Variants in CLEC2D observed in about 807,000 individuals in gnomAD.
CLEC2D encodes the protein C-type lectin domain family 2 member D.
A neutral mutation model predicts 20.0 loss-of-function variants in CLEC2D; 16 were observed. That is an observed-to-expected ratio of 0.80 (90% CI 0.54 to 1.22). CLEC2D has a LOEUF of 1.22. Among genes scored for constraint, CLEC2D ranks in the 50% most tolerant of loss-of-function variants. CLEC2D has a pLI of 0.00. For synonymous variants in CLEC2D, 77 were observed against 71.1 expected, an observed-to-expected ratio of 1.08 and a Z score of -0.42; for missense variants, 207 against 221.5, an observed-to-expected ratio of 0.93 and a Z score of 0.42.
In CLEC2D at chr12:9,680,826, A is replaced by G. The variant is rs143102212; in HGVS notation, c.62-97A>G. ...CATTTGCATCCTCTAGTGAAAAGCG[A>G]AGGAATTAAATAAAAATAACATTTT... On this transcript the variant is annotated intron_variant, in intron 1 of 4. Transcript: ENST00000290855. The G allele has an allele frequency of 2.4e-3, 1,500 of 630,124 alleles. 3 individuals are homozygous for G. The highest frequency in any genetic ancestry group is 2.8e-3 in the Non-Finnish European group (1,008 of 355,078). 39.0% of individuals were successfully genotyped at this position (630,124 alleles called of 1,614,324 possible).
chr12:9,689,162 C>A (rs1371259537), intron 3 of CLEC2D, among the ~76,000 whole-genome samples: 2 of 152,200 alleles, frequency 1.3e-5, no homozygotes, highest in Admixed American at 6.5e-5. Context: ...GCTGAAGTGG[C>A]TTCCCAAGGA....
At chr12:9,673,555 A>G (rs776736345) in intron 1 of CLEC2D, among the ~76,000 whole-genome samples, 1 of 152,382 alleles carries the variant, frequency 6.6e-6, no homozygotes, top group South Asian at 2.1e-4. Context: ...CCGCTTATGT[A>G]GAGAATCTGA....
rs143039413 is a variant in CLEC2D at position 9,676,552 on chromosome 12, A to G, written c.62-4371A>G. 1.2e-3 allele frequency among the ~76,000 whole-genome samples: 178 copies of G among 152,204 alleles called. 3 individuals carry two copies. Among genetic ancestry groups the G allele is most frequent in the Non-Finnish European group, 2.0e-3 (136 of 67,984 alleles). The stretch of plus-strand genomic sequence containing the variant: ...TTCATCACAGTATATAATTCTTTTT[A>G]TACATCATTGGATTGGATTTGCTGA... On this transcript the variant is annotated intron_variant, in intron 1 of 4. Coordinates refer to ENST00000290855, the MANE Select transcript of CLEC2D (RefSeq NM_013269.6).
Position 9,694,997 on chromosome 12 carries a change from A to ATGCTCAAT in CLEC2D, c.*123_*124insTGCTCAAT. ...ATATGAAAATATGCTCAATATCACT[A>ATGCTCAAT]ATAACTGGGAAAATACAAATCAAAA... is the stretch of plus-strand genomic sequence containing the variant. On this transcript the variant is annotated 3_prime_UTR_variant, in exon 5 of 5. Coordinates refer to ENST00000290855, the MANE Select transcript of CLEC2D (RefSeq NM_013269.6). 1 of 620,246 alleles carries ATGCTCAAT rather than the reference A, an allele frequency of 1.6e-6. No individual in the cohort carries two copies. The highest frequency in any genetic ancestry group is 2.9e-6 in the Non-Finnish European group (1 of 346,678). The allele number at this position is 620,246 out of a possible 1,614,324, so 38.4% of individuals were successfully genotyped here.
In CLEC2D at chr12:9,695,800, G is replaced by A; in HGVS notation, c.*926G>A. 1.5e-6 allele frequency: 2 copies of A among 1,295,336 alleles called. No homozygotes were observed. The highest frequency in any genetic ancestry group is 3.4e-5 in the Admixed American group (2 of 59,484). The allele number at this position is 1,295,336 out of a possible 1,614,324, so 80.2% of individuals were successfully genotyped here. A position where few individuals can be genotyped will look rare whatever the true frequency, so the allele number is the denominator to read the frequency against. On this transcript the variant is annotated 3_prime_UTR_variant, in exon 5 of 5. Transcript: ENST00000290855. Reference sequence around the variant, plus strand: ...GGATGTGAAACTCTTAAGTATATCTGGAAAGCAGTCTGCCCCTGGAGGTGG... The same window carrying A: ...GGATGTGAAACTCTTAAGTATATCTAGAAAGCAGTCTGCCCCTGGAGGTGG...
rs71045288 is a variant in CLEC2D, at chr12:9,695,843, T to TTGC, written c.*981_*983dup. On this transcript the variant is annotated 3_prime_UTR_variant, in exon 5 of 5. Transcript: ENST00000290855. Reference sequence around the variant, plus strand: ...GGAGGTGGGCAGAAAAAAGTAAAACTTGCTGCTGCTGCTGATGATGATGAT... The same window carrying TTGC: ...GGAGGTGGGCAGAAAAAAGTAAAACTTGCTGCTGCTGCTGCTGATGATGATGAT... The TTGC allele has an allele frequency of 0.45, 393,752 of 869,142 alleles. 91,318 individuals are homozygous for TTGC. Among genetic ancestry groups the TTGC allele is most frequent in the East Asian group, 0.61 (24,665 of 40,716 alleles). 53.8% of individuals were successfully genotyped at this position (869,142 alleles called of 1,614,324 possible).
chr12:9,691,213 AT>A (rs1216344969), intron 3 of CLEC2D, among the ~76,000 whole-genome samples: 2 of 93,046 alleles, frequency 2.1e-5, no homozygotes, highest in Non-Finnish European at 4.3e-5. Flanking sequence ...ACATAGCCAA[AT>A]AATTATGTTA....
chr12:9,691,927 A>C (rs963807377), intron 3 of CLEC2D, among the ~76,000 whole-genome samples: 3 of 152,346 alleles, frequency 2.0e-5, no homozygotes, highest in East Asian at 3.9e-4. Flanking sequence ...AAATTTACTA[A>C]TAATAAAGAA....
chr12:9,671,954 GGTA>G (rs1865433290), intron 1 of CLEC2D, among the ~76,000 whole-genome samples: 1 of 152,032 alleles, frequency 6.6e-6, no homozygotes, highest in Non-Finnish European at 1.5e-5. Flanking sequence ...TTGTGAGAAA[GGTA>G]GTTTTTTTTT....
At chr12:9,674,240 G>T (rs1865478676) in intron 1 of CLEC2D, 2 of 152,302 alleles carry the variant, frequency 1.3e-5, no homozygotes, top group South Asian at 4.1e-4. Flanking sequence ...GGCCCTGGTG[G>T]TGTAGGCTCA....
chr12:9,694,792 A>G lies in CLEC2D; in HGVS notation c.494A>G (p.Tyr165Cys), dbSNP rs756571538. The change falls in exon 5 of 5, where the codon TAT (tyrosine) becomes TGT (cysteine). Residue 165 changes from tyrosine to cysteine, a missense_variant. Transcript: ENST00000290855. The part of the protein sequence containing the change: ...FPILGAGECA[Y>C]LNDKGASSAR... ...ATCCTGGGAGCAGGAGAGTGTGCCTATTTGAATGACAAAGGTGCCAGTAGT... is the reference window on the plus strand; with the variant it reads ...ATCCTGGGAGCAGGAGAGTGTGCCTGTTTGAATGACAAAGGTGCCAGTAGT... The G allele has an allele frequency of 2.5e-4, 407 of 1,612,802 alleles. 6 individuals carry two copies. In the South Asian group the frequency reaches 4.3e-3, roughly 17 times the overall value.
In CLEC2D at chr12:9,694,341, C is replaced by T. The variant is rs1484127633; in HGVS notation, c.462-419C>T. On this transcript the variant is annotated intron_variant, in intron 4 of 4. Transcript: ENST00000290855. ...AAGCCATCTAAACTCAGCTAAATAGCACTGCAGTTTCAGTACTAAAACCAC... is the reference window on the plus strand; with the variant it reads ...AAGCCATCTAAACTCAGCTAAATAGTACTGCAGTTTCAGTACTAAAACCAC... 2.6e-5 allele frequency among the ~76,000 whole-genome samples: 4 copies of T among 152,210 alleles called. No homozygotes were observed. The East Asian group carries it at 7.7e-4, about 29-fold the overall frequency.
chr12:9,691,498 A>G (rs969153985), intron 3 of CLEC2D, among the ~76,000 whole-genome samples: 1 of 149,634 alleles, frequency 6.7e-6, no homozygotes, highest in South Asian at 2.1e-4. Context: ...TTCTTAAACC[A>G]TATGTTAGGC....
rs1865896984 is a variant in CLEC2D, at chr12:9,692,880, G to A, written c.410G>A (p.Arg137Lys). Residue 137 changes from arginine to lysine, a missense_variant, in exon 4 of 5, where the codon AGA becomes AAA. Physicochemically the swap from Arg to Lys is conservative, Grantham distance 26. Transcript: ENST00000290855. ...GPSDHWIGLSREQGQPWKWIN... is the reference protein window; with the variant it reads ...GPSDHWIGLSKEQGQPWKWIN... ...TCTGATCACTGGATTGGGCTGAGCA[G>A]AGAACAAGGCCAACCATGGAAATGG... 6.2e-7 allele frequency: 1 copy of A among 1,613,654 alleles called. No individual in the cohort carries two copies. Among genetic ancestry groups the A allele is most frequent in the Non-Finnish European group, 8.5e-7 (1 of 1,179,820 alleles).
At chr12:9,693,011 C>T (rs1032991060) in intron 4 of CLEC2D, 80 bp downstream of exon 4, 2 of 1,606,916 alleles carry the variant, frequency 1.2e-6, no homozygotes, top group Admixed American at 1.7e-5. Context: ...TAGTTACATG[C>T]TTTAAAAAAT....
intron 1 of CLEC2D, among the ~76,000 whole-genome samples, chr12:9,678,679 G>A (rs1865572898): frequency 6.6e-6 from 1 of 151,912 alleles, no homozygotes; most frequent in Non-Finnish European, 1.5e-5. Flanking sequence ...CTGGTATTAC[G>A]GGCATGTGCC....
At chr12:9,677,446 A>G (rs1315998448) in intron 1 of CLEC2D, among the ~76,000 whole-genome samples, 1 of 151,938 alleles carries the variant, frequency 6.6e-6, no homozygotes. Context: ...TCTTTCTGTT[A>G]TTGACTCTAG....
intron 1 of CLEC2D, among the ~76,000 whole-genome samples, chr12:9,674,454 G>A (rs1357707830): frequency 6.6e-6 from 1 of 152,140 alleles, no homozygotes; most frequent in East Asian, 1.9e-4. Flanking sequence ...GATGAACTTG[G>A]TACCTCAGAT....
intron 1 of CLEC2D, among the ~76,000 whole-genome samples, chr12:9,678,808 T>G (rs904534122): frequency 6.6e-6 from 1 of 152,194 alleles, no homozygotes; most frequent in Non-Finnish European, 1.5e-5. Context: ...CTCAAAGGGT[T>G]GGGATTATAA....
Sources: allele counts gnomAD v4.1 joint callset (sites outside exome capture counted in the v4.1 genomes callset), GRCh38; gene constraint gnomAD v4.1.1; transcripts MANE v1.5; gene names NCBI Gene and HGNC (gene_info 2026-07-23, HGNC 2026-07-21).